The following VPS13A variants were observed in gnomAD, a reference collection of about 807,000 sequenced individuals.
VPS13A encodes intermembrane lipid transfer protein VPS13A.
VPS13A carries 264 observed loss-of-function variants against 390.9 expected under a neutral mutation model. That is an observed-to-expected ratio of 0.68 (90% CI 0.61 to 0.75). VPS13A has a LOEUF of 0.75. VPS13A is among the 30% of genes least tolerant of loss of function. VPS13A has a pLI of 0.00. For missense variants in VPS13A, 3,409 were observed against 3,733.9 expected (o/e 0.91, Z 2.27); for synonymous variants, 1,231 against 1,227.1 (o/e 1.00, Z -0.07).
intron 7 of VPS13A, chr9:77,211,617 A>T (rs1426005320): frequency 7.2e-5 from 11 of 152,334 alleles, no homozygotes; most frequent in South Asian, 2.1e-4. Context: ...CTGCAACGAA[A>T]AAAGAAAAAA....
intron 23 of VPS13A, among the ~76,000 whole-genome samples, chr9:77,270,548 G>T (rs1006483512): frequency 2.0e-5 from 3 of 152,084 alleles, no homozygotes; most frequent in Non-Finnish European, 4.4e-5. Flanking sequence ...AAAATTAGCT[G>T]GGTGTGGTGG....
chr9:77,384,524 CA>C (rs1833598186), intron 68 of VPS13A: 3 of 1,604,736 alleles, frequency 1.9e-6, no homozygotes, highest in Non-Finnish European at 2.6e-6. Context: ...TACATGTTTT[CA>C]AGCAATTTGC....
At chr9:77,368,021 A>G (rs1405347202) in intron 61 of VPS13A, 34 bp from the exon 62 acceptor site, 1 of 1,559,286 alleles carries the variant, frequency 6.4e-7, no homozygotes, top group South Asian at 1.1e-5. Context: ...CTTCATACAC[A>G]TGTACAGACA....
chr9:77,242,803 T>C (rs1824583547), intron 19 of VPS13A, among the ~76,000 whole-genome samples: 1 of 151,974 alleles, frequency 6.6e-6, no homozygotes, highest in Non-Finnish European at 1.5e-5. Flanking sequence ...ACAGTAAATA[T>C]CCACAATATA....
chr9:77,314,113 T>C lies in VPS13A; in HGVS notation c.4236T>C (p.Pro1412=). Residue 1412 remains proline (P), a synonymous_variant, in exon 36 of 72, where the codon CCT becomes CCC. Coordinates refer to ENST00000360280, the MANE Select transcript of VPS13A (RefSeq NM_033305.3). ...CCATGGTGCTGTATAGTCCAGGTCC[T>C]AAACAGGTAAGTCCAGGAAGAAAAG... ...DLTMVLYSPG[P]KQASFTDVRD... 1 of 1,613,102 alleles carries C rather than the reference T, an allele frequency of 6.2e-7. No homozygotes were observed. The highest frequency in any genetic ancestry group is 8.5e-7 in the Non-Finnish European group (1 of 1,179,414).
chr9:77,286,224 T>G (rs1827313138), intron 31 of VPS13A, among the ~76,000 whole-genome samples: 2 of 152,068 alleles, frequency 1.3e-5, no homozygotes, highest in African/African-American at 4.8e-5. Flanking sequence ...GTCTGGAGAG[T>G]GGCCATAAGC....
At chr9:77,389,308 CTTTT>C (rs57239835) in intron 68 of VPS13A, among the ~76,000 whole-genome samples, 3 of 137,706 alleles carry the variant, frequency 2.2e-5, no homozygotes, top group Admixed American at 7.3e-5. Flanking sequence ...AAGCAGAACT[CTTTT>C]TTTTTTTTTT....
chr9:77,365,473 A>G lies in VPS13A; in HGVS notation c.8225A>G (p.His2742Arg), dbSNP rs145686832. Residue 2742 changes from histidine to arginine, a missense_variant, in exon 60 of 72, where the codon CAT becomes CGT. Coordinates refer to ENST00000360280, the MANE Select transcript of VPS13A (RefSeq NM_033305.3). ...TTCCTTTTATAGGTTGAGCTTTTTC[A>G]TAAAGATATAGAAGCTTTCAAAGAA... is the stretch of plus-strand genomic sequence containing the variant. The part of the protein sequence containing the change: ...VTENTEVELF[H>R]KDIEAFKEEY... 5.5e-5 allele frequency: 89 copies of G among 1,607,724 alleles called. No individual in the cohort carries two copies. In the African/African-American group the frequency reaches 9.6e-4, roughly 17 times the overall value.
chr9:77,294,681 C>G (rs1055049411), intron 32 of VPS13A, among the ~76,000 whole-genome samples: 2 of 152,014 alleles, frequency 1.3e-5, no homozygotes, highest in South Asian at 2.1e-4. Context: ...TAAAGATAAA[C>G]AAGTATTCCT....
chr9:77,361,697 C>T (rs1832148143), intron 59 of VPS13A, among the ~76,000 whole-genome samples: 1 of 152,008 alleles, frequency 6.6e-6, no homozygotes, highest in Non-Finnish European at 1.5e-5. Flanking sequence ...ACATAGTAAC[C>T]TTATATTTAA....
At chr9:77,267,083 T>G (rs1478891488) in intron 23 of VPS13A, among the ~76,000 whole-genome samples, 1 of 152,100 alleles carries the variant, frequency 6.6e-6, no homozygotes, top group Non-Finnish European at 1.5e-5. Flanking sequence ...TCAACACTCT[T>G]AGGTTCATTG....
intron 34 of VPS13A, among the ~76,000 whole-genome samples, chr9:77,306,349 C>CT (rs1196373100): frequency 2.7e-5 from 4 of 149,718 alleles, no homozygotes; most frequent in Non-Finnish European, 5.9e-5. Context: ...ACTCAAAGAT[C>CT]TTTTTTACAT....
At chr9:77,391,383 G>T (rs1833890180) in intron 68 of VPS13A, among the ~76,000 whole-genome samples, 1 of 152,200 alleles carries the variant, frequency 6.6e-6, no homozygotes, top group Admixed American at 6.5e-5. Context: ...CTTGCCGAAT[G>T]AAAGTTATCA....
chr9:77,356,940 T>A (rs1831823665), intron 55 of VPS13A, 73 bp downstream of exon 55: 1 of 1,555,132 alleles, frequency 6.4e-7, no homozygotes, highest in Non-Finnish European at 8.8e-7. Context: ...CTAGTGAAAT[T>A]TAAGGAAAGT....
At chr9:77,405,561 T>C (rs536517043) in intron 69 of VPS13A, among the ~76,000 whole-genome samples, 47 of 152,340 alleles carry the variant, frequency 3.1e-4, no homozygotes, top group African/African-American at 1.1e-3. Context: ...TTCATTCTTA[T>C]TCTGTTCAAA....
intron 37 of VPS13A, 42 bp downstream of exon 37, chr9:77,314,706 C>A: frequency 6.3e-7 from 1 of 1,579,684 alleles, no homozygotes; most frequent in South Asian, 1.1e-5. Context: ...CTTGAGAAAT[C>A]GTTGATATAT....
At chr9:77,304,941 T>C (rs1362922406) in intron 34 of VPS13A, among the ~76,000 whole-genome samples, 3 of 149,162 alleles carry the variant, frequency 2.0e-5, no homozygotes. Context: ...AGACTTTTTT[T>C]CTTTTTTTTT....
intron 46 of VPS13A, among the ~76,000 whole-genome samples, chr9:77,332,666 T>C (rs6560583): frequency 0.025 from 3,766 of 152,232 alleles, 145 homozygotes; most frequent in African/African-American, 0.086. Flanking sequence ...GCTAGTCTTA[T>C]AGATTTTATA....
chr9:77,297,287 A>G (rs556561458), intron 33 of VPS13A, among the ~76,000 whole-genome samples: 2 of 152,080 alleles, frequency 1.3e-5, no homozygotes, highest in East Asian at 3.9e-4. Flanking sequence ...ATTTTAAGTT[A>G]CTCTATAAGT....
Sources: gnomAD v4.1 joint callset for allele counts (sites outside exome capture counted in the v4.1 genomes callset) on GRCh38, gnomAD v4.1.1 for gene constraint, MANE v1.5 for transcripts, NCBI Gene and HGNC (gene_info 2026-07-23, HGNC 2026-07-21) for gene names.